ABLIM2: variants seen among roughly 807,000 people sequenced by gnomAD.
ABLIM2 encodes the protein actin-binding LIM protein 2.
Under a neutral mutation model 97.7 loss-of-function variants are expected in ABLIM2, and 53 were observed. The ratio of observed to expected loss-of-function variants is 0.54; its 90% CI spans 0.44 to 0.68. The LOEUF is 0.68. Among genes scored for constraint, ABLIM2 ranks in the 30% least tolerant of loss-of-function variants. ABLIM2 has a pLI of 0.00. For missense variants in ABLIM2, 835 were observed against 867.2 expected (o/e 0.96, Z 0.47); for synonymous variants, 361 against 345.8 (o/e 1.04, Z -0.49).
At chr4:8,029,586 T>TAAA (rs758188738) in intron 11 of ABLIM2, 70 bp downstream of exon 11, 11,214 of 1,042,318 alleles carry the variant, frequency 0.011, 1 homozygote, top group East Asian at 0.021. Context: ...AAAAAAAAAC[T>TAAA]AAAAAAAAAA....
chr4:8,116,000 G>A (rs1317730398), intron 1 of ABLIM2, among the ~76,000 whole-genome samples: 1 of 152,206 alleles, frequency 6.6e-6, no homozygotes, highest in Non-Finnish European at 1.5e-5. Context: ...CCCCACGGAT[G>A]GCCAGCAAGA....
At chr4:8,146,983 T>C (rs966550718) in intron 1 of ABLIM2, among the ~76,000 whole-genome samples, 3 of 152,240 alleles carry the variant, frequency 2.0e-5, no homozygotes, top group Non-Finnish European at 4.4e-5. Flanking sequence ...GGAATTTCCT[T>C]AGCCAGTGTT....
rs1381662729 is a variant in ABLIM2, at chr4:8,072,554, T to C, written c.675+5074A>G. On this transcript the variant is annotated intron_variant, in intron 6 of 20. Transcript: ENST00000447017. The surrounding 1 kb of genome is among the most constrained non-coding windows in gnomAD (Gnocchi z 5.8). The stretch of plus-strand genomic sequence containing the variant: ...CACCCCACTTTAGGCCACCAGATGT[T>C]CCAACGTGGCTATGCTATTAAGCCA... 6.6e-6 allele frequency among the ~76,000 whole-genome samples: 1 copy of C among 152,190 alleles called. No homozygotes were observed. The highest frequency in any genetic ancestry group is 2.4e-5 in the African/African-American group (1 of 41,462).
intron 17 of ABLIM2, among the ~76,000 whole-genome samples, chr4:7,988,206 A>G (rs1745949782): frequency 6.6e-6 from 1 of 152,082 alleles, no homozygotes; most frequent in African/African-American, 2.4e-5. Context: ...TAATTTTAGT[A>G]GAGACAGGGT....
chr4:8,078,197 T>G (rs1450189130), intron 5 of ABLIM2, among the ~76,000 whole-genome samples: 6 of 151,868 alleles, frequency 4.0e-5, no homozygotes, highest in African/African-American at 1.5e-4. Flanking sequence ...GACTTTACTG[T>G]CCCCCCTGCA....
chr4:8,089,118 A>G (rs906963244), intron 3 of ABLIM2, among the ~76,000 whole-genome samples: 1 of 152,186 alleles, frequency 6.6e-6, no homozygotes, highest in African/African-American at 2.4e-5. Context: ...GCACCACCTT[A>G]AAGTCCGCCT....
intron 14 of ABLIM2, among the ~76,000 whole-genome samples, chr4:8,017,057 G>C (rs115168209): frequency 1.9e-3 from 284 of 152,272 alleles, no homozygotes; most frequent in African/African-American, 6.4e-3. Context: ...AATACCATGA[G>C]TGACCCTAGA....
At chr4:8,048,892 C>T (rs918164057) in intron 8 of ABLIM2, among the ~76,000 whole-genome samples, 3 of 152,166 alleles carry the variant, frequency 2.0e-5, no homozygotes, top group Admixed American at 6.5e-5. Flanking sequence ...CCACCTTCAC[C>T]GTTCTCGGGG....
chr4:8,133,212 C>T (rs1351827983), intron 1 of ABLIM2, among the ~76,000 whole-genome samples: 2 of 152,198 alleles, frequency 1.3e-5, no homozygotes, highest in Non-Finnish European at 1.5e-5. Flanking sequence ...CCAGCATGAC[C>T]TCATCTGGAC....
chr4:7,978,743 G>A (rs1299428239), intron 20 of ABLIM2, among the ~76,000 whole-genome samples: 2 of 152,190 alleles, frequency 1.3e-5, no homozygotes, highest in South Asian at 2.1e-4. Flanking sequence ...AGTAGTATTC[G>A]TGCTTGGGAT....
At chr4:8,056,381 GC>G (rs1799183024) in intron 7 of ABLIM2, among the ~76,000 whole-genome samples, 1 of 147,952 alleles carries the variant, frequency 6.8e-6, no homozygotes, top group Non-Finnish European at 1.5e-5. Context: ...GCTCACTGCA[GC>G]CCCCACCTCT....
intron 6 of ABLIM2, chr4:8,066,706 T>A (rs936239998): frequency 6.6e-6 from 1 of 151,396 alleles, no homozygotes; most frequent in Non-Finnish European, 1.5e-5. Flanking sequence ...GGCAAATCCA[T>A]GGAGACAGAA....
intron 20 of ABLIM2, among the ~76,000 whole-genome samples, chr4:7,969,914 C>T (rs940065822): frequency 1.3e-5 from 2 of 152,102 alleles, no homozygotes; most frequent in African/African-American, 2.4e-5. Context: ...CTGAGAAATC[C>T]ATCAGCCAGT....
chr4:8,079,943 C>T (rs1451380598), intron 5 of ABLIM2, among the ~76,000 whole-genome samples: 1 of 152,208 alleles, frequency 6.6e-6, no homozygotes, highest in Admixed American at 6.5e-5. Flanking sequence ...AGAGGAGCTG[C>T]CCGCCTTCAG....
In ABLIM2 at chr4:8,071,693, A is replaced by AACCCCCCCCCCCCCC; in HGVS notation, c.675+5934_675+5935insGGGGGGGGGGGGGGT. The AACCCCCCCCCCCCCC allele has an allele frequency of 1.2e-6, 1 of 819,832 alleles. No individual in the cohort carries two copies. The highest frequency in any genetic ancestry group is 1.5e-6 in the Non-Finnish European group (1 of 679,294). 50.8% of individuals were successfully genotyped at this position (819,832 alleles called of 1,614,324 possible). A position where few individuals can be genotyped will look rare whatever the true frequency, so the allele number is the denominator to read the frequency against. On this transcript the variant is annotated intron_variant, in intron 6 of 20. Transcript: ENST00000447017. The surrounding 1 kb of genome is among the most constrained non-coding windows in gnomAD (Gnocchi z 6.2). ...ACACCTGACTGCTCTGTCCCCAAAA[A>AACCCCCCCCCCCCCC]CCCACCCACCCGCAGCCCCTCCTGG... is the stretch of plus-strand genomic sequence containing the variant.
chr4:8,109,310 T>C (rs1278768761), intron 1 of ABLIM2, among the ~76,000 whole-genome samples: 1 of 152,180 alleles, frequency 6.6e-6, no homozygotes, highest in Non-Finnish European at 1.5e-5. Flanking sequence ...GGCCGAGGGA[T>C]GTGGCACAGG....
chr4:8,143,170 G>GGGGC (rs61114929), intron 1 of ABLIM2, among the ~76,000 whole-genome samples: 7 of 136,278 alleles, frequency 5.1e-5, no homozygotes, highest in Non-Finnish European at 1.0e-4. Flanking sequence ...GGGGGGGGGG[G>GGGGC]GCGTCTGCAA....
chr4:8,158,592 G>A, intron 1 of ABLIM2, 88 bp downstream of exon 1: 3 of 1,436,172 alleles, frequency 2.1e-6, no homozygotes, highest in South Asian at 2.5e-5. Flanking sequence ...CCCCGGCGTT[G>A]CAGGTGCAGC....
intron 6 of ABLIM2, among the ~76,000 whole-genome samples, chr4:8,074,897 T>A (rs1577220436): frequency 6.6e-6 from 1 of 151,308 alleles, no homozygotes; most frequent in East Asian, 2.0e-4. Context: ...GCAATTCTCC[T>A]GCCTCAGCCC....
Sources: gnomAD v4.1 joint callset for allele counts (sites outside exome capture counted in the v4.1 genomes callset) on GRCh38, gnomAD v4.1.1 for gene constraint, Gnocchi (gnomAD v3.1) non-coding constraint, MANE v1.5 for transcripts, NCBI Gene and HGNC (gene_info 2026-07-23, HGNC 2026-07-21) for gene names.